The following BCL7C variants were observed in gnomAD, a reference collection of about 807,000 sequenced individuals.
BCL7C encodes the protein B-cell CLL/lymphoma 7 protein family member C.
BCL7C carries 8 observed loss-of-function variants against 26.2 expected under a neutral mutation model. The observed-to-expected ratio is 0.30, with a 90% CI of 0.18 to 0.55. BCL7C has a LOEUF of 0.55. BCL7C is among the 20% of genes least tolerant of loss of function. The pLI, the probability that BCL7C is intolerant of heterozygous loss-of-function variation, is 0.93. For missense variants in BCL7C, 262 were observed against 298.5 expected (o/e 0.88, Z 0.90); for synonymous variants, 90 against 116.5 (o/e 0.77, Z 1.47).
At chr16:30,879,859 A>G (rs1174621034) in intron 5 of BCL7C, among the ~76,000 whole-genome samples, 3 of 151,598 alleles carry the variant, frequency 2.0e-5, no homozygotes, top group East Asian at 1.9e-4. Flanking sequence ...GCATGGTGGC[A>G]GGCACCTGTA....
At chr16:30,854,357 A>G (rs954524861) in intron 5 of BCL7C, among the ~76,000 whole-genome samples, 1 of 152,238 alleles carries the variant, frequency 6.6e-6, no homozygotes, top group African/African-American at 2.4e-5. Context: ...TAGGTCATCC[A>G]TGACTTCTTA....
intron 5 of BCL7C, among the ~76,000 whole-genome samples, chr16:30,849,852 C>T (rs1401564273): frequency 6.6e-6 from 1 of 151,124 alleles, no homozygotes; most frequent in Non-Finnish European, 1.5e-5. Context: ...CCATGCCTAG[C>T]TAACTTTTGT....
intron 5 of BCL7C, among the ~76,000 whole-genome samples, chr16:30,857,784 G>T (rs376403466): frequency 1.3e-5 from 2 of 151,884 alleles, no homozygotes; most frequent in Non-Finnish European, 2.9e-5. Flanking sequence ...CAGCCTGGCC[G>T]ACATGATGAA....
intron 5 of BCL7C, among the ~76,000 whole-genome samples, chr16:30,845,707 C>G (rs887606107): frequency 6.6e-6 from 1 of 151,900 alleles, no homozygotes; most frequent in African/African-American, 2.4e-5. Flanking sequence ...CTCTGTATTT[C>G]TGCATTCTTT....
chr16:30,882,100 A>G (rs2055053338), intron 5 of BCL7C, among the ~76,000 whole-genome samples: 2 of 152,002 alleles, frequency 1.3e-5, no homozygotes, highest in Admixed American at 6.6e-5. Flanking sequence ...AGCTGGGATT[A>G]TAGGCACCCA....
At chr16:30,874,152 C>T (rs566676386) in intron 5 of BCL7C, among the ~76,000 whole-genome samples, 1 of 151,696 alleles carries the variant, frequency 6.6e-6, no homozygotes, top group South Asian at 2.1e-4. Flanking sequence ...TGTGGCACCA[C>T]ATCCGTCTAA....
intron 5 of BCL7C, among the ~76,000 whole-genome samples, chr16:30,844,472 G>GTGACTCC (rs1425178580): frequency 6.6e-6 from 1 of 151,822 alleles, no homozygotes; most frequent in East Asian, 1.9e-4. Flanking sequence ...GTCACCATCT[G>GTGACTCC]ATAAAGTTTA....
intron 5 of BCL7C, among the ~76,000 whole-genome samples, chr16:30,845,876 A>G (rs906056108): frequency 1.3e-5 from 2 of 151,826 alleles, no homozygotes; most frequent in Non-Finnish European, 2.9e-5. Flanking sequence ...GGAGGCCGAG[A>G]CAGGCGGATC....
At chr16:30,851,597 G>A in intron 5 of BCL7C, 1 of 433,614 alleles carries the variant, frequency 2.3e-6, no homozygotes, top group Non-Finnish European at 4.2e-6. Flanking sequence ...GAATAACTGG[G>A]CCCTTTCTGT....
chr16:30,872,342 G>C (rs768878401), intron 5 of BCL7C, among the ~76,000 whole-genome samples: 2 of 152,164 alleles, frequency 1.3e-5, no homozygotes, highest in Non-Finnish European at 2.9e-5. Flanking sequence ...CCAGCCTAGA[G>C]ACTCTGGTGC....
chr16:30,887,696 C>G (rs191800612), downstream of BCL7C: 8 of 1,180,142 alleles, frequency 6.8e-6, no homozygotes, highest in East Asian at 2.2e-4. Flanking sequence ...GGAAGGTCCT[C>G]TCAGAGCCTC....
At chr16:30,867,591 G>A (rs1399784862) in intron 5 of BCL7C, among the ~76,000 whole-genome samples, 2 of 152,034 alleles carry the variant, frequency 1.3e-5, no homozygotes, top group Admixed American at 1.3e-4. Context: ...TCAGGAGTTC[G>A]AGACCAGCCT....
At chr16:30,875,180 G>A (rs2054927167) in intron 5 of BCL7C, 1 of 154,462 alleles carries the variant, frequency 6.5e-6, no homozygotes, top group Non-Finnish European at 1.5e-5. Flanking sequence ...CCACAGCCCA[G>A]ATCGCGAGTG....
At chr16:30,885,456 C>T (rs1217615447), downstream of BCL7C, among the ~76,000 whole-genome samples, 1 of 150,610 alleles carries the variant, frequency 6.6e-6, no homozygotes, top group Non-Finnish European at 1.5e-5. Flanking sequence ...ATCACCCAGG[C>T]TGGAGTATAG....
intron 5 of BCL7C, among the ~76,000 whole-genome samples, chr16:30,870,820 T>G (rs528446435): frequency 6.6e-6 from 1 of 152,272 alleles, no homozygotes; most frequent in South Asian, 2.1e-4. Context: ...AGAATGTCCC[T>G]AAGGAGTGGC....
chr16:30,852,739 G>A (rs2054686832), intron 5 of BCL7C, among the ~76,000 whole-genome samples: 1 of 151,152 alleles, frequency 6.6e-6, no homozygotes, highest in African/African-American at 2.4e-5. Flanking sequence ...TGATCCACCC[G>A]CCTTGGCCTC....
chr16:30,843,083 C>T (rs1015300213), intron 5 of BCL7C, among the ~76,000 whole-genome samples: 1 of 152,240 alleles, frequency 6.6e-6, no homozygotes, highest in African/African-American at 2.4e-5. Context: ...ACTGCCCATG[C>T]GTTAGTATAG....
intron 5 of BCL7C, among the ~76,000 whole-genome samples, chr16:30,877,596 C>T (rs564058962): frequency 1.4e-4 from 21 of 152,004 alleles, no homozygotes; most frequent in Admixed American, 6.5e-4. Context: ...CCCGCCACCG[C>T]GCCCAGCTAA....
intron 5 of BCL7C, among the ~76,000 whole-genome samples, chr16:30,850,768 G>A (rs1251402999): frequency 6.6e-6 from 1 of 152,172 alleles, no homozygotes; most frequent in East Asian, 1.9e-4. Flanking sequence ...ACTGGAAGTT[G>A]CCCTAGATGA....
Sources: allele counts gnomAD v4.1 joint callset (sites outside exome capture counted in the v4.1 genomes callset), GRCh38; gene constraint gnomAD v4.1.1; transcripts MANE v1.5; gene names NCBI Gene and HGNC (gene_info 2026-07-23, HGNC 2026-07-21).